PPA1: variants seen among roughly 807,000 people sequenced by gnomAD.
PPA1 encodes inorganic pyrophosphatase 1.
PPA1 carries 23 observed loss-of-function variants against 41.8 expected under a neutral mutation model. The ratio of observed to expected loss-of-function variants is 0.55; its 90% CI spans 0.40 to 0.78. PPA1 has a LOEUF of 0.78. Among genes scored for constraint, PPA1 ranks in the 30% least tolerant of loss-of-function variants. The pLI is 0.00. For missense variants in PPA1, 320 were observed against 361.6 expected, an observed-to-expected ratio of 0.89 and a Z score of 0.93; for synonymous variants, 101 against 116.8, an observed-to-expected ratio of 0.86 and a Z score of 0.87.
chr10:70,220,878 A>ATAAT lies in PPA1; in HGVS notation c.124-2062_124-2061insATTA, dbSNP rs1564584364. Among the ~76,000 whole-genome samples, 99 of 34,294 alleles carry ATAAT rather than the reference A, an allele frequency of 2.9e-3. 20 individuals carry two copies. Among genetic ancestry groups the ATAAT allele is most frequent in the Admixed American group, 3.0e-3 (5 of 1,690 alleles). 22.5% of individuals were successfully genotyped at this position (34,294 alleles called of 152,430 possible). A position where few individuals can be genotyped will look rare whatever the true frequency, so the allele number is the denominator to read the frequency against. On this transcript the variant is annotated intron_variant, in intron 2 of 10. Coordinates refer to ENST00000373232, the MANE Select transcript of PPA1 (RefSeq NM_021129.4). ...TATAATTCTTATATATATAATATATACTTTATATATACTATATATATAATT... is the reference window on the plus strand; with the variant it reads ...TATAATTCTTATATATATAATATATATAATCTTTATATATACTATATATATAATT...
At chr10:70,220,934 CTATAT>C (rs1840149262) in intron 2 of PPA1, among the ~76,000 whole-genome samples, 1 of 12,484 alleles carries the variant, frequency 8.0e-5, no homozygotes, top group African/African-American at 2.7e-4. Flanking sequence ...TTTATATATA[CTATAT>C]ATATAATTTA....
intron 6 of PPA1, chr10:70,210,271 C>A: frequency 1.4e-6 from 1 of 713,752 alleles, no homozygotes; most frequent in Non-Finnish European, 2.2e-6. Context: ...GAAATGGGGT[C>A]TCGTCATGTT....
chr10:70,214,263 G>A (rs560575159), intron 5 of PPA1, among the ~76,000 whole-genome samples: 1 of 152,228 alleles, frequency 6.6e-6, no homozygotes, highest in African/African-American at 2.4e-5. Context: ...AACATGTCCA[G>A]TTCTTCTAGA....
Position 70,220,649 on chromosome 10 carries a change from ATATATATATTATATATAATT to A in PPA1, c.124-1852_124-1833del, listed in dbSNP as rs1840136424. ...TATATATATATAATATATATAATTTATATATATATTATATATAATTTATATATATATAATATATATAATTT... is the reference window on the plus strand; with the variant it reads ...TATATATATATAATATATATAATTTATATATATATATAATATATATAATTT... On this transcript the variant is annotated intron_variant, in intron 2 of 10. Coordinates refer to ENST00000373232, the MANE Select transcript of PPA1 (RefSeq NM_021129.4). Among the ~76,000 whole-genome samples, 4 of 5,208 alleles carry A rather than the reference ATATATATATTATATATAATT, an allele frequency of 7.7e-4. 2 individuals carry two copies. The highest frequency in any genetic ancestry group is 4.8e-3 in the African/African-American group (4 of 836). The allele number at this position is 5,208 out of a possible 152,430, so 3.4% of individuals were successfully genotyped here.
intron 3 of PPA1, 25 bp downstream of exon 3, chr10:70,218,739 A>C: frequency 6.4e-7 from 1 of 1,574,680 alleles, no homozygotes; most frequent in Non-Finnish European, 8.7e-7. Context: ...CCTAAGTCTG[A>C]CTCAAATGTA....
chr10:70,203,314 C>G, intron 10 of PPA1, 128 bp from the exon 11 acceptor site: 1 of 817,788 alleles, frequency 1.2e-6, no homozygotes, highest in South Asian at 1.6e-5. Flanking sequence ...AATTAACAGG[C>G]ATACATACAA....
intron 6 of PPA1, 65 bp downstream of exon 6, chr10:70,213,398 T>G: frequency 6.4e-7 from 1 of 1,573,368 alleles, no homozygotes; most frequent in South Asian, 1.1e-5. Flanking sequence ...TCTGTCATTA[T>G]AGGTTAAGTA....
intron 9 of PPA1, chr10:70,206,044 T>A: frequency 1.9e-6 from 1 of 531,506 alleles, no homozygotes; most frequent in East Asian, 3.0e-5. Context: ...TACCATGCTA[T>A]CTGTCCAACT....
In PPA1 at chr10:70,213,557, T is replaced by A; in HGVS notation, c.417A>T (p.Lys139Asn). The A allele has an allele frequency of 6.2e-7, 1 of 1,613,918 alleles. No homozygotes were observed. Among genetic ancestry groups the A allele is most frequent in the Non-Finnish European group, 8.5e-7 (1 of 1,179,896 alleles). ...CAATCATAGCCAATATGCCTAGAAC[T>A]TTCACGCCAATTATTTCACCTCTTG... ...VCARGEIIGV[K>N]VLGILAMIDE... The change falls in exon 6 of 11, where the codon AAA (lysine) becomes AAT (asparagine). Residue 139 changes from lysine (K) to asparagine (N), a missense_variant. Transcript: ENST00000373232.
rs1589901537 is a variant in PPA1 at position 70,233,419 on chromosome 10, G to A, written c.-92C>T. 5 of 1,472,784 alleles carry A rather than the reference G, an allele frequency of 3.4e-6. No homozygotes were observed. In the South Asian group the frequency reaches 5.2e-5, roughly 15 times the overall value. 91.2% of individuals were successfully genotyped at this position (1,472,784 alleles called of 1,614,324 possible). On this transcript the variant is annotated 5_prime_UTR_variant, in exon 1 of 11. Coordinates refer to ENST00000373232, the MANE Select transcript of PPA1 (RefSeq NM_021129.4). ...GGAGAGAGCCCCACGCCTGCGCACT[G>A]CGAGCACTGGACCGGCGGGCGGGGC...
rs1463618818 is a variant in PPA1, at chr10:70,209,264, G to A, written c.666C>T (p.Ser222=). Residue 222 remains serine (S), a synonymous_variant, in exon 8 of 11, where the codon AGC becomes AGT. Coordinates refer to ENST00000373232, the MANE Select transcript of PPA1 (RefSeq NM_021129.4). ...CTAATGCTTTCCAATGGTCATGAGTGCTTTTAATAATATCAATGGCAAAGT... is the reference window on the plus strand; with the variant it reads ...CTAATGCTTTCCAATGGTCATGAGTACTTTTAATAATATCAATGGCAAAGT... ...DKDFAIDIIK[S]THDHWKALVT... 6.3e-7 allele frequency: 1 copy of A among 1,598,826 alleles called. No homozygotes were observed. The highest frequency in any genetic ancestry group is 1.1e-5 in the South Asian group (1 of 90,686).
At chr10:70,224,905 A>AT (rs1451847521) in intron 2 of PPA1, among the ~76,000 whole-genome samples, 2 of 151,502 alleles carry the variant, frequency 1.3e-5, no homozygotes, top group Non-Finnish European at 2.9e-5. Context: ...TAATTTTTGT[A>AT]TTTTTAGTAG....
chr10:70,206,280 C>T lies in PPA1; in HGVS notation c.779G>A (p.Arg260Lys), dbSNP rs929406343. Residue 260 changes from arginine to lysine, a missense_variant, in exon 9 of 11, where the codon AGA (arginine) becomes AAA (lysine). By Grantham distance (26) the Arg-to-Lys change is conservative (BLOSUM62 2). Transcript: ENST00000373232. ...SPFKCDPDAARAIVDALPPPC... is the reference protein window; with the variant it reads ...SPFKCDPDAAKAIVDALPPPC... ...TTTACATACAGCATCCACAATGGCT[C>T]TGGCAGCATCAGGATCACACTTGAA... 6.2e-7 allele frequency: 1 copy of T among 1,613,032 alleles called. No individual in the cohort carries two copies. Among genetic ancestry groups the T allele is most frequent in the African/African-American group, 1.3e-5 (1 of 74,832 alleles).
chr10:70,214,693 T>C, intron 4 of PPA1, 107 bp from the exon 5 acceptor site: 1 of 852,086 alleles, frequency 1.2e-6, no homozygotes, highest in Non-Finnish European at 1.8e-6. Context: ...TTTTTCTCAT[T>C]GTTTTAGTTC....
At chr10:70,223,346 C>T (rs560395950) in intron 2 of PPA1, among the ~76,000 whole-genome samples, 1 of 152,208 alleles carries the variant, frequency 6.6e-6, no homozygotes, top group South Asian at 2.1e-4. Flanking sequence ...TCCTAAGTAG[C>T]TGGGCCTACA....
intron 2 of PPA1, among the ~76,000 whole-genome samples, chr10:70,221,076 A>ATTTT (rs11310336): frequency 2.5e-5 from 1 of 40,046 alleles, no homozygotes. Flanking sequence ...ATATATATAT[A>ATTTT]TTTTTTTTTT....
intron 4 of PPA1, among the ~76,000 whole-genome samples, chr10:70,215,125 G>C (rs1244120933): frequency 1.3e-5 from 2 of 152,170 alleles, no homozygotes; most frequent in Non-Finnish European, 2.9e-5. Flanking sequence ...AACCCAGGAA[G>C]CAGAGGTTGC....
At chr10:70,229,611 C>T (rs1003213251) in intron 2 of PPA1, among the ~76,000 whole-genome samples, 11 of 152,176 alleles carry the variant, frequency 7.2e-5, no homozygotes, top group African/African-American at 1.9e-4. Flanking sequence ...CAAATCTTAA[C>T]GGTACTAGCC....
At chr10:70,227,488 A>G (rs968853976) in intron 2 of PPA1, among the ~76,000 whole-genome samples, 1 of 151,918 alleles carries the variant, frequency 6.6e-6, no homozygotes, top group Non-Finnish European at 1.5e-5. Flanking sequence ...TGTCTCTACA[A>G]AAAAATAGAA....
Sources: allele counts gnomAD v4.1 joint callset (sites outside exome capture counted in the v4.1 genomes callset), GRCh38; gene constraint gnomAD v4.1.1; transcripts MANE v1.5; gene names NCBI Gene and HGNC (gene_info 2026-07-23, HGNC 2026-07-21).